SPICE1: variants seen among roughly 807,000 people sequenced by gnomAD.
SPICE1 encodes the protein spindle and centriole-associated protein 1.
In SPICE1, 75 loss-of-function variants were observed where a neutral mutation model predicts 102.7. The ratio of observed to expected loss-of-function variants is 0.73; its 90% confidence interval spans 0.61 to 0.88. The LOEUF (loss-of-function observed/expected upper bound fraction) is 0.88, where lower values mean the gene tolerates loss of function less well. SPICE1 is among the 40% of genes least tolerant of loss of function. SPICE1 has a pLI of 0.00. For synonymous variants in SPICE1, 308 were observed against 350.3 expected (o/e 0.88, Z 1.35); for missense variants, 979 against 1,020.1 (o/e 0.96, Z 0.55).
At chr3:113,502,905 C>T (rs1004530274) in intron 3 of SPICE1, among the ~76,000 whole-genome samples, 3 of 151,742 alleles carry the variant, frequency 2.0e-5, no homozygotes, top group Admixed American at 2.0e-4. Context: ...TTTAAAAAGG[C>T]AGATAGATAG....
chr3:113,466,572 T>TGCACTCC (rs1397387722), intron 10 of SPICE1, among the ~76,000 whole-genome samples: 1 of 149,452 alleles, frequency 6.7e-6, no homozygotes, highest in African/African-American at 2.5e-5. Flanking sequence ...ATCATGCCAC[T>TGCACTCC]GCACTCCAGC....
Position 113,448,035 on chromosome 3 carries a change from T to A in SPICE1, c.2426+3A>T. On this transcript the variant is annotated splice_donor_region_variant and intron_variant, in intron 16 of 17. Coordinates refer to ENST00000295872, the MANE Select transcript of SPICE1 (RefSeq NM_144718.4). Reference sequence around the variant, plus strand: ...TTAAATAAATATTCACACTGCAACTTACCTTCTTGTATTTATCCCGCTGAC... The same window carrying A: ...TTAAATAAATATTCACACTGCAACTAACCTTCTTGTATTTATCCCGCTGAC... 1 of 1,591,754 alleles carries A rather than the reference T, an allele frequency of 6.3e-7. No homozygotes were observed. Among genetic ancestry groups the A allele is most frequent in the Non-Finnish European group, 8.5e-7 (1 of 1,172,600 alleles).
At chr3:113,453,243 C>T (rs1935697734) in intron 14 of SPICE1, among the ~76,000 whole-genome samples, 1 of 152,124 alleles carries the variant, frequency 6.6e-6, no homozygotes, top group Non-Finnish European at 1.5e-5. Context: ...TATCTTTGTC[C>T]TATTTTCATT....
chr3:113,472,532 C>A (rs578028914), intron 7 of SPICE1, among the ~76,000 whole-genome samples: 4 of 152,312 alleles, frequency 2.6e-5, no homozygotes, highest in African/African-American at 9.6e-5. Flanking sequence ...TAGGAGGCAA[C>A]CCCCAGTAGG....
intron 7 of SPICE1, among the ~76,000 whole-genome samples, chr3:113,484,337 A>C (rs186942407): frequency 6.6e-6 from 1 of 151,760 alleles, no homozygotes; most frequent in Admixed American, 6.6e-5. Flanking sequence ...CAGCTCCTGG[A>C]TTCATTGATT....
intron 7 of SPICE1, among the ~76,000 whole-genome samples, chr3:113,471,153 T>C (rs1025465087): frequency 6.6e-6 from 1 of 152,180 alleles, no homozygotes; most frequent in Admixed American, 6.5e-5. Context: ...TAATAATGCC[T>C]GAAGATATTC....
intron 10 of SPICE1, among the ~76,000 whole-genome samples, chr3:113,467,013 C>A (rs1414728232): frequency 2.0e-5 from 3 of 152,038 alleles, no homozygotes; most frequent in Admixed American, 1.3e-4. Context: ...CATGCCACTA[C>A]TGCACCCTAG....
At chr3:113,494,000 T>C (rs1266283646) in intron 5 of SPICE1, 49 bp downstream of exon 5, 1 of 1,259,768 alleles carries the variant, frequency 7.9e-7, no homozygotes, top group Admixed American at 2.1e-5. Context: ...AATAGTCAAC[T>C]GTGGGCTACA....
rs1321483485 is a variant in SPICE1 at position 113,468,765 on chromosome 3, T to C, written c.886A>G (p.Lys296Glu). Reference protein sequence around the residue: ...NSRKQKQLLNKVKRKPNLHAL... With the variant: ...NSRKQKQLLNEVKRKPNLHAL... The stretch of plus-strand genomic sequence containing the variant: ...TTTGTAAATTAAGGGACTGAACCTT[T>C]ATTTAACAGCTGTTTTTGCTTCCTT... Residue 296 changes from lysine to glutamate, a missense_variant, in exon 9 of 18, where the codon AAA becomes GAA. Coordinates refer to ENST00000295872, the MANE Select transcript of SPICE1 (RefSeq NM_144718.4). 1.9e-6 allele frequency: 3 copies of C among 1,612,156 alleles called. No individual in the cohort carries two copies. The highest frequency in any genetic ancestry group is 2.2e-5 in the East Asian group (1 of 44,872).
chr3:113,487,183 C>T (rs985847344), intron 7 of SPICE1, among the ~76,000 whole-genome samples: 3 of 151,910 alleles, frequency 2.0e-5, no homozygotes, highest in Non-Finnish European at 4.4e-5. Context: ...GTAGTATGGG[C>T]GCAGCAATTC....
intron 13 of SPICE1, among the ~76,000 whole-genome samples, chr3:113,456,670 G>A (rs777306865): frequency 1.3e-5 from 2 of 152,092 alleles, no homozygotes; most frequent in Non-Finnish European, 2.9e-5. Context: ...TTATAAAATT[G>A]CCTCAACTAA....
chr3:113,446,666 C>A lies in SPICE1; in HGVS notation c.2437G>T (p.Ala813Ser), dbSNP rs752109047. 2 of 1,612,588 alleles carry A rather than the reference C, an allele frequency of 1.2e-6. No individual in the cohort carries two copies. Among genetic ancestry groups the A allele is most frequent in the Non-Finnish European group, 1.7e-6 (2 of 1,178,948 alleles). The change falls in exon 17 of 18, where the codon GCT (alanine) becomes TCT (serine). Residue 813 changes from alanine (A) to serine (S), a missense_variant. Transcript: ENST00000295872. Reference sequence around the variant, plus strand: ...AGTGGAGAACAAGAATTACCAGTAGCCCCGGAAGATCTATTCATGAAAAAT... The same window carrying A: ...AGTGGAGAACAAGAATTACCAGTAGACCCGGAAGATCTATTCATGAAAAAT... ...SGINTRRSSG[A>S]TGNSCSPLNA...
At chr3:113,502,213 A>G (rs1576648505) in intron 3 of SPICE1, among the ~76,000 whole-genome samples, 1 of 152,128 alleles carries the variant, frequency 6.6e-6, no homozygotes, top group Non-Finnish European at 1.5e-5. Context: ...CTGTGTCTAC[A>G]AAAAATACAA....
intron 13 of SPICE1, among the ~76,000 whole-genome samples, chr3:113,456,736 A>G (rs1576623600): frequency 6.6e-6 from 1 of 152,338 alleles, no homozygotes; most frequent in East Asian, 1.9e-4. Flanking sequence ...GATGTCACTT[A>G]CAAGACCCTT....
intron 3 of SPICE1, among the ~76,000 whole-genome samples, chr3:113,500,680 C>T (rs1936991666): frequency 6.6e-6 from 1 of 152,052 alleles, no homozygotes; most frequent in Non-Finnish European, 1.5e-5. Context: ...TCTGGGTGAA[C>T]AGTACATAGT....
rs773963770 is a variant in SPICE1, at chr3:113,457,323, T to C, written c.1470A>G (p.Pro490=). ...CAGCCACTTCCTCTCTGAACATCAA[T>C]GGCACTGAGACATTGGCATTTACAA... ...RPVVNANVSV[P]LMFREEVAEF... The change falls in exon 13 of 18, where the codon CCA becomes CCG. Residue 490 remains proline, a synonymous_variant. Coordinates refer to ENST00000295872, the MANE Select transcript of SPICE1 (RefSeq NM_144718.4). 77 of 1,614,080 alleles carry C rather than the reference T, an allele frequency of 4.8e-5. No individual in the cohort carries two copies. The highest frequency in any genetic ancestry group is 1.6e-4 in the Middle Eastern group (1 of 6,084).
chr3:113,457,613 T>G (rs1463471178), intron 12 of SPICE1, among the ~76,000 whole-genome samples: 3 of 152,120 alleles, frequency 2.0e-5, no homozygotes, highest in Non-Finnish European at 1.5e-5. Context: ...GCGAGCCAGT[T>G]AGGGACTCCT....
intron 12 of SPICE1, chr3:113,459,645 A>G (rs1935879408): frequency 1.1e-6 from 1 of 948,114 alleles, no homozygotes; most frequent in Non-Finnish European, 1.3e-6. Flanking sequence ...ACACTTTGGG[A>G]GGCCAAGGCA....
chr3:113,445,409 A>C, intron 17 of SPICE1, 49 bp from the exon 18 acceptor site: 2 of 1,466,894 alleles, frequency 1.4e-6, no homozygotes, highest in Non-Finnish European at 1.9e-6. Context: ...TAGAAACATG[A>C]GACTACTCAA....
Sources: gnomAD v4.1 joint callset for allele counts (sites outside exome capture counted in the v4.1 genomes callset) on GRCh38, gnomAD v4.1.1 for gene constraint, MANE v1.5 for transcripts, NCBI Gene and HGNC (gene_info 2026-07-23, HGNC 2026-07-21) for gene names.